PCCA: variants seen among roughly 807,000 people sequenced by gnomAD.
PCCA encodes propionyl-CoA carboxylase alpha chain, mitochondrial.
A neutral mutation model predicts 101.3 loss-of-function variants in PCCA; 74 were observed. That is an observed-to-expected ratio of 0.73 (90% CI 0.61 to 0.89). The LOEUF (loss-of-function observed/expected upper bound fraction) is 0.89, where lower values mean the gene tolerates loss of function less well. Among genes scored for constraint, PCCA ranks in the 40% least tolerant of loss-of-function variants. PCCA has a pLI of 0.00. For synonymous variants in PCCA, 294 were observed against 313.6 expected, an observed-to-expected ratio of 0.94 and a Z score of 0.66; for missense variants, 891 against 907.0, an observed-to-expected ratio of 0.98 and a Z score of 0.23.
intron 12 of PCCA, among the ~76,000 whole-genome samples, chr13:100,294,596 A>T (rs999716839): frequency 2.6e-5 from 4 of 152,192 alleles, no homozygotes; most frequent in African/African-American, 9.6e-5. Flanking sequence ...TTTCAGCTCC[A>T]AAGTGAATTT....
intron 6 of PCCA, among the ~76,000 whole-genome samples, chr13:100,194,504 G>A (rs747779445): frequency 5.9e-5 from 9 of 152,114 alleles, no homozygotes; most frequent in Admixed American, 3.9e-4. Flanking sequence ...TGCAACCTCC[G>A]CCTCCCGGGT....
At chr13:100,476,849 G>A (rs953165052) in intron 21 of PCCA, among the ~76,000 whole-genome samples, 1 of 152,184 alleles carries the variant, frequency 6.6e-6, no homozygotes, top group African/African-American at 2.4e-5. Context: ...CAGAGTACCT[G>A]GTTGAGGGGT....
chr13:100,223,687 C>G (rs1180723507), intron 7 of PCCA, among the ~76,000 whole-genome samples: 1 of 152,132 alleles, frequency 6.6e-6, no homozygotes, highest in East Asian at 1.9e-4. Flanking sequence ...TCCGGCCCCA[C>G]CCACATCCTG....
rs755193970 is a variant in PCCA at position 100,305,516 on chromosome 13, A to G, written c.1285-1676A>G. 3.3e-5 allele frequency among the ~76,000 whole-genome samples: 5 copies of G among 152,244 alleles called. No homozygotes were observed. In the East Asian group the frequency reaches 5.8e-4, roughly 18 times the overall value. On this transcript the variant is annotated intron_variant, in intron 14 of 23. Coordinates refer to ENST00000376285, the MANE Select transcript of PCCA (RefSeq NM_000282.4). ...TAAAGTCAGAAGTTTTAGAACTTGT[A>G]TCAGTCTCGTTTGTAAACACAGCAT...
intron 1 of PCCA, among the ~76,000 whole-genome samples, chr13:100,090,389 C>G (rs1278646235): frequency 6.6e-6 from 1 of 152,172 alleles, no homozygotes; most frequent in Admixed American, 6.5e-5. Context: ...TTGGCCACTT[C>G]AATTGCAGCT....
intron 22 of PCCA, among the ~76,000 whole-genome samples, chr13:100,517,983 G>A (rs2086959955): frequency 1.3e-5 from 2 of 152,098 alleles, no homozygotes; most frequent in South Asian, 2.1e-4. Context: ...AAATTTTGCG[G>A]TTTTAAGTGA....
At chr13:100,237,774 T>C (rs1007303508) in intron 8 of PCCA, among the ~76,000 whole-genome samples, 1 of 152,002 alleles carries the variant, frequency 6.6e-6, no homozygotes, top group African/African-American at 2.4e-5. Flanking sequence ...TTTAGAGAAA[T>C]TTAGGGAAAT....
At chr13:100,193,023 T>C (rs962442784) in intron 6 of PCCA, among the ~76,000 whole-genome samples, 2 of 152,234 alleles carry the variant, frequency 1.3e-5, no homozygotes, top group Non-Finnish European at 2.9e-5. Context: ...AAAGGGACGC[T>C]AATCAGATAG....
In PCCA at chr13:100,506,261, C is replaced by T. The variant is rs1042072199; in HGVS notation, c.1900-9166C>T. 3.9e-5 allele frequency among the ~76,000 whole-genome samples: 6 copies of T among 151,994 alleles called. No individual in the cohort carries two copies. In the East Asian group the frequency reaches 1.2e-3, roughly 30 times the overall value. On this transcript the variant is annotated intron_variant, in intron 21 of 23. Coordinates refer to ENST00000376285, the MANE Select transcript of PCCA (RefSeq NM_000282.4). ...TGTACACAGCACAGCATGAGGGTGC[C>T]AGCAGTCCTCCTTGGCTCAGCGTCT... is the stretch of plus-strand genomic sequence containing the variant.
chr13:100,519,568 T>A (rs948255563), intron 22 of PCCA, among the ~76,000 whole-genome samples: 1 of 152,186 alleles, frequency 6.6e-6, no homozygotes, highest in Non-Finnish European at 1.5e-5. Context: ...TTGCACGTGC[T>A]CCTTTGACAG....
intron 19 of PCCA, among the ~76,000 whole-genome samples, chr13:100,375,739 T>C (rs1271627563): frequency 3.3e-5 from 5 of 152,182 alleles, no homozygotes; most frequent in Admixed American, 1.3e-4. Flanking sequence ...CATCAACTAA[T>C]GGGCAAAATA....
chr13:100,292,545 G>A (rs576504757), intron 12 of PCCA, among the ~76,000 whole-genome samples: 1 of 152,222 alleles, frequency 6.6e-6, no homozygotes, highest in South Asian at 2.1e-4. Flanking sequence ...CATAACATTT[G>A]CATGCTGTTT....
At chr13:100,247,794 G>T (rs2061534363) in intron 8 of PCCA, among the ~76,000 whole-genome samples, 2 of 152,102 alleles carry the variant, frequency 1.3e-5, no homozygotes, top group Admixed American at 1.3e-4. Flanking sequence ...GGGATTATAG[G>T]CATGAGTCAC....
At chr13:100,192,385 T>A (rs942197230) in intron 6 of PCCA, among the ~76,000 whole-genome samples, 1 of 152,226 alleles carries the variant, frequency 6.6e-6, no homozygotes, top group African/African-American at 2.4e-5. Flanking sequence ...CCACAGTGCC[T>A]GACGTAGAGT....
intron 16 of PCCA, among the ~76,000 whole-genome samples, chr13:100,313,255 C>A (rs969538468): frequency 2.0e-5 from 3 of 152,144 alleles, no homozygotes; most frequent in Non-Finnish European, 4.4e-5. Context: ...AGGGGAAGAC[C>A]ATGTTCCTGT....
intron 19 of PCCA, among the ~76,000 whole-genome samples, chr13:100,376,451 C>T (rs997227574): frequency 2.0e-5 from 3 of 152,238 alleles, no homozygotes; most frequent in Non-Finnish European, 4.4e-5. Flanking sequence ...GCGCCCACAG[C>T]TGCCCCTTCC....
At chr13:100,156,979 A>G (rs1323630248) in intron 5 of PCCA, among the ~76,000 whole-genome samples, 1 of 152,234 alleles carries the variant, frequency 6.6e-6, no homozygotes, top group Non-Finnish European at 1.5e-5. Flanking sequence ...AATAGTGTAG[A>G]CAAATGCCAG....
chr13:100,335,157 A>C (rs2070245184), intron 17 of PCCA, among the ~76,000 whole-genome samples: 1 of 152,132 alleles, frequency 6.6e-6, no homozygotes, highest in Non-Finnish European at 1.5e-5. Flanking sequence ...AATATAAACA[A>C]ATTTGTTTTC....
chr13:100,242,999 C>A (rs767365192), intron 8 of PCCA, among the ~76,000 whole-genome samples: 2 of 152,122 alleles, frequency 1.3e-5, no homozygotes, highest in Non-Finnish European at 2.9e-5. Context: ...TGGGTTCAAG[C>A]GATTCATCTG....
Sources: gnomAD v4.1 joint callset for allele counts (sites outside exome capture counted in the v4.1 genomes callset) on GRCh38, gnomAD v4.1.1 for gene constraint, MANE v1.5 for transcripts, NCBI Gene and HGNC (gene_info 2026-07-23, HGNC 2026-07-21) for gene names.